COL5A3: variants seen among roughly 807,000 people sequenced by gnomAD.
COL5A3 encodes the protein collagen type V alpha 3 chain.
In COL5A3, 172 loss-of-function variants were observed where a neutral mutation model predicts 250.0. That is an observed-to-expected ratio of 0.69 (90% CI 0.61 to 0.78). The LOEUF is 0.78. Among genes scored for constraint, COL5A3 ranks in the 30% least tolerant of loss-of-function variants. The pLI is 0.00. For missense variants in COL5A3, 2,340 were observed against 2,334.4 expected, an observed-to-expected ratio of 1.00 and a Z score of -0.05; for synonymous variants, 937 against 900.4, an observed-to-expected ratio of 1.04 and a Z score of -0.73.
rs533894131 is a variant in COL5A3, at chr19:9,998,317, G to GC, written c.1111-169dup. ...TAACCAATATGCACTGAGAAGCTCA[G>GC]CCCCCCGCATCCACCGGGCAATGCC... On this transcript the variant is annotated intron_variant, in intron 8 of 66. Transcript: ENST00000264828. 2.8e-3 allele frequency among the ~76,000 whole-genome samples: 429 copies of GC among 152,100 alleles called. 1 individual carries two copies. Among genetic ancestry groups the GC allele is most frequent in the Non-Finnish European group, 4.8e-3 (327 of 67,994 alleles).
chr19:9,967,253 T>C, intron 62 of COL5A3, 94 bp downstream of exon 62: 1 of 890,702 alleles, frequency 1.1e-6, no homozygotes. Context: ...GGCCCAGTGC[T>C]GCGCACGGAA....
chr19:9,993,158 C>T (rs1457998207), intron 19 of COL5A3, 91 bp from the exon 20 acceptor site: 12 of 1,372,272 alleles, frequency 8.7e-6, no homozygotes, highest in Middle Eastern at 1.8e-4. Context: ...CAGGGGGTCT[C>T]GGAATTAGAC....
At chr19:10,007,199 A>G (rs573836019) in intron 1 of COL5A3, among the ~76,000 whole-genome samples, 29 of 137,856 alleles carry the variant, frequency 2.1e-4, no homozygotes, top group African/African-American at 8.1e-4. Flanking sequence ...TTCCCCTCTG[A>G]CCTCCTCCCT....
intron 65 of COL5A3, among the ~76,000 whole-genome samples, chr19:9,961,534 CT>C (rs1234344243): frequency 2.4e-3 from 319 of 130,210 alleles, no homozygotes; most frequent in Middle Eastern, 7.8e-3. Context: ...CTGGCTGGGA[CT>C]TTTTTTTTTT....
chr19:9,960,738 G>C lies in COL5A3; in HGVS notation c.5004C>G (p.Ser1668=), dbSNP rs144903720. 4 of 1,614,074 alleles carry C rather than the reference G, an allele frequency of 2.5e-6. No individual in the cohort carries two copies. Among genetic ancestry groups the C allele is most frequent in the Non-Finnish European group, 3.4e-6 (4 of 1,180,028 alleles). The change falls in exon 66 of 67, where the codon TCC becomes TCG. Residue 1668 remains serine (S), a synonymous_variant. Coordinates refer to ENST00000264828, the MANE Select transcript of COL5A3 (RefSeq NM_015719.4). The part of the protein sequence containing the change: ...LDEATGDYSH[S]ARFLGTNGEE... ...CTCCATTGGTGCCAAGGAAGCGGGC[G>C]GAGTGGCTGTAGTCACCCGTGGCTT...
chr19:9,983,773 G>A (rs575093113), intron 31 of COL5A3, among the ~76,000 whole-genome samples: 2 of 150,166 alleles, frequency 1.3e-5, no homozygotes, highest in African/African-American at 4.9e-5. Context: ...AGGAAGGAAG[G>A]AAGAAAGGAG....
intron 57 of COL5A3, 39 bp downstream of exon 57, chr19:9,969,310 C>A: frequency 1.3e-6 from 2 of 1,553,222 alleles, no homozygotes; most frequent in South Asian, 2.5e-5. Context: ...CCAGAGTGGT[C>A]CTCAGAGCCA....
chr19:9,983,955 A>G (rs548253547), intron 31 of COL5A3, among the ~76,000 whole-genome samples: 4 of 152,212 alleles, frequency 2.6e-5, no homozygotes, highest in African/African-American at 9.6e-5. Context: ...AGGCAAGATA[A>G]CTATCAGCTC....
intron 18 of COL5A3, 58 bp from the exon 19 acceptor site, chr19:9,993,491 C>A: frequency 1.3e-6 from 2 of 1,599,026 alleles, no homozygotes; most frequent in South Asian, 1.1e-5. Flanking sequence ...GAGACCAGCC[C>A]CCTGGGAAGG....
Position 10,004,153 on chromosome 19 carries a change from T to C in COL5A3, c.595-8A>G, listed in dbSNP as rs373550930. 2 of 1,609,936 alleles carry C rather than the reference T, an allele frequency of 1.2e-6. No homozygotes were observed. Among genetic ancestry groups the C allele is most frequent in the Non-Finnish European group, 1.7e-6 (2 of 1,176,488 alleles). On this transcript the variant is annotated splice_polypyrimidine_tract_variant and splice_region_variant and intron_variant, in intron 4 of 66. Transcript: ENST00000264828. ...CAGCTCCTGAATGTCTCCCTGGGGG[T>C]TGGGGGTGTAGGAGTCAAGGAGGGC... is the stretch of plus-strand genomic sequence containing the variant.
chr19:10,003,521 G>A lies in COL5A3; in HGVS notation c.849+44C>T, dbSNP rs1033283463. ...AGAAGTCAGACAGTCAAGACCGGAA[G>A]TCAGGTGGTCAAAACCGGAAGTGAG... is the stretch of plus-strand genomic sequence containing the variant. On this transcript the variant is annotated intron_variant, in intron 6 of 66. Coordinates refer to ENST00000264828, the MANE Select transcript of COL5A3 (RefSeq NM_015719.4). 3.1e-6 allele frequency: 5 copies of A among 1,599,506 alleles called. No homozygotes were observed. In the Admixed American group the frequency reaches 6.7e-5, roughly 21 times the overall value.
Position 9,968,641 on chromosome 19 carries a change from G to A in COL5A3, c.4206+34C>T, listed in dbSNP as rs772058565. 6.2e-7 allele frequency: 1 copy of A among 1,605,704 alleles called. No homozygotes were observed. The highest frequency in any genetic ancestry group is 1.7e-5 in the Admixed American group (1 of 58,516). ...AGGGAGGGAGGGAAAGAGGGGAGGA[G>A]ATGGGGAAGAGAATAATGGAATGAT... On this transcript the variant is annotated intron_variant, in intron 58 of 66. Transcript: ENST00000264828. The surrounding 1 kb of genome is among the most constrained non-coding windows in gnomAD (Gnocchi z 4.1).
chr19:9,973,809 C>T lies in COL5A3; in HGVS notation c.3559G>A (p.Gly1187Ser), dbSNP rs764331999. ...RGPQGPTGSE[G>S]TPGLPGGVGQ... ...ACTCCTCCAGGCAGCCCTGGAGTGC[C>T]CTGGAGAGACAGCAAGGGGTAAGAG... Residue 1187 changes from glycine (G) to serine (S), a missense_variant and splice_region_variant, in exon 49 of 67, where the codon GGC becomes AGC. Physicochemically the swap from Gly to Ser is moderately conservative, Grantham distance 56 (BLOSUM62 0). Transcript: ENST00000264828. 2 of 1,614,040 alleles carry T rather than the reference C, an allele frequency of 1.2e-6. No homozygotes were observed. Among genetic ancestry groups the T allele is most frequent in the Non-Finnish European group, 1.7e-6 (2 of 1,179,964 alleles).
Position 10,005,788 on chromosome 19 carries a change from A to G in COL5A3, c.437+8T>C. The G allele has an allele frequency of 6.2e-7, 1 of 1,607,176 alleles. No homozygotes were observed. The highest frequency in any genetic ancestry group is 2.2e-5 in the East Asian group (1 of 44,744). On this transcript the variant is annotated splice_region_variant and intron_variant, in intron 3 of 66. Transcript: ENST00000264828. ...CCACGGACCCCCGCCCACTCTCCCCATGCTCACCTGCCATCTGTGAGGTTG... is the reference window on the plus strand; with the variant it reads ...CCACGGACCCCCGCCCACTCTCCCCGTGCTCACCTGCCATCTGTGAGGTTG...
intron 64 of COL5A3, among the ~76,000 whole-genome samples, chr19:9,964,697 T>G (rs955324217): frequency 1.3e-5 from 2 of 151,720 alleles, no homozygotes; most frequent in Admixed American, 1.3e-4. Flanking sequence ...ATAGAGGTAT[T>G]AGCCCAGCAC....
At position 10,009,863 on chromosome 19, in the gene COL5A3, CG is replaced by C. The variant is rs1210138344; in HGVS notation, c.88+434del. ...ACAATCACACGCATAACCACTCACACGGTTACCCTCGAAAATCAGCACATAG... is the reference window on the plus strand; with the variant it reads ...ACAATCACACGCATAACCACTCACACGTTACCCTCGAAAATCAGCACATAG... On this transcript the variant is annotated intron_variant, in intron 1 of 66. Coordinates refer to ENST00000264828, the MANE Select transcript of COL5A3 (RefSeq NM_015719.4). This position sits in a 1 kb window ranked among gnomAD's most constrained non-coding sequence, Gnocchi z 4.4. Among the ~76,000 whole-genome samples, 1 of 152,168 alleles carries C rather than the reference CG, an allele frequency of 6.6e-6. No homozygotes were observed. The highest frequency in any genetic ancestry group is 6.5e-5 in the Admixed American group (1 of 15,284).
Position 9,978,579 on chromosome 19 carries a change from C to G in COL5A3, c.3013G>C (p.Ala1005Pro). 6.3e-7 allele frequency: 1 copy of G among 1,578,852 alleles called. No individual in the cohort carries two copies. Among genetic ancestry groups the G allele is most frequent in the Non-Finnish European group, 8.6e-7 (1 of 1,160,520 alleles). ...GDKGPPGPVG[A>P]NGSPGERGPL... is the part of the protein sequence containing the mutation. ...GCACATGGGGTTATACTTACATTGGCCCCCACGGGCCCTGGGGGGCCCTTA... is the reference window on the plus strand; with the variant it reads ...GCACATGGGGTTATACTTACATTGGGCCCCACGGGCCCTGGGGGGCCCTTA... The change falls in exon 41 of 67, where the codon GCC becomes CCC. Residue 1005 changes from alanine to proline, a missense_variant. Ala to Pro is a conservative substitution (Grantham distance 27). This residue lies in a region of COL5A3 where 1,179 missense variants were observed against 1,162.6 expected (regional missense o/e 1.01). Coordinates refer to ENST00000264828, the MANE Select transcript of COL5A3 (RefSeq NM_015719.4).
intron 1 of COL5A3, 69 bp downstream of exon 1, chr19:10,010,229 C>T: frequency 8.6e-7 from 1 of 1,160,974 alleles, no homozygotes; most frequent in Non-Finnish European, 1.1e-6. Context: ...CACCCCCCTC[C>T]ACCCCTCGCT....
rs761685425 is a variant in COL5A3, at chr19:10,001,612, C to T, written c.1022G>A (p.Arg341Lys). The part of the protein sequence containing the change: ...ELGTLETKAA[R>K]EDEEGDDSTM... ...GGAATCATCTCCTTCTTCATCCTCC[C>T]TGGCTGCCTTGGTCTCCAGGGTCCC... Residue 341 changes from arginine to lysine, a missense_variant, in exon 8 of 67, where the codon AGG becomes AAG. Physicochemically the swap from Arg to Lys is conservative, Grantham distance 26. Transcript: ENST00000264828. 4 of 1,614,150 alleles carry T rather than the reference C, an allele frequency of 2.5e-6. No individual in the cohort carries two copies. The highest frequency in any genetic ancestry group is 3.4e-6 in the Non-Finnish European group (4 of 1,180,012).
Sources: gnomAD v4.1 joint callset for allele counts (sites outside exome capture counted in the v4.1 genomes callset) on GRCh38, gnomAD v4.1.1 for gene constraint, gnomAD v4.1.1 regional missense constraint, Gnocchi (gnomAD v3.1) non-coding constraint, MANE v1.5 for transcripts, NCBI Gene and HGNC (gene_info 2026-07-23, HGNC 2026-07-21) for gene names.